DEGS1: variants seen among roughly 807,000 people sequenced by gnomAD.
DEGS1 encodes the protein delta 4-desaturase, sphingolipid 1.
DEGS1 carries 17 observed loss-of-function variants against 24.1 expected under a neutral mutation model. The observed-to-expected ratio is 0.70, with a 90% CI of 0.48 to 1.06. The LOEUF is 1.06. Ranked by LOEUF, DEGS1 falls within the 50% of genes least tolerant of loss-of-function variation. The pLI, the probability that DEGS1 is intolerant of heterozygous loss-of-function variation, is 0.00. For synonymous variants in DEGS1, 134 were observed against 140.0 expected (o/e 0.96, Z 0.30); for missense variants, 366 against 408.9 (o/e 0.90, Z 0.91).
rs777625295 is a variant in DEGS1 at position 224,192,347 on chromosome 1, G to T, written c.841G>T (p.Ala281Ser). 7.4e-6 allele frequency: 12 copies of T among 1,612,392 alleles called. No individual in the cohort carries two copies. In the East Asian group the frequency reaches 2.5e-4, roughly 33 times the overall value. The change falls in exon 3 of 3, where the codon GCT (alanine) becomes TCT (serine). Residue 281 changes from alanine to serine, a missense_variant. Coordinates refer to ENST00000323699, the MANE Select transcript of DEGS1 (RefSeq NM_003676.4). ...KSLPLVRKIA[A>S]EYYDNLPHYN... ...TCCCTTCTAGGTGAGGAAAATAGCA[G>T]CTGAATACTATGACAACCTCCCTCA... is the stretch of plus-strand genomic sequence containing the variant.
intron 1 of DEGS1, chr1:224,183,651 C>G: frequency 6.1e-6 from 2 of 327,422 alleles, no homozygotes; most frequent in Non-Finnish European, 1.1e-5. Flanking sequence ...GACCCTTCCG[C>G]GAAGAGGCGC....
In DEGS1 at chr1:224,185,931, T is replaced by G. The variant is rs553230878; in HGVS notation, c.82+2513T>G. ...TGAAAATCAGGACGGGTGTGGTGGC[T>G]TTTTTTTGCCTGTAATCCGAGCACT... On this transcript the variant is annotated intron_variant, in intron 1 of 2. Coordinates refer to ENST00000323699, the MANE Select transcript of DEGS1 (RefSeq NM_003676.4). 5.3e-5 allele frequency among the ~76,000 whole-genome samples: 8 copies of G among 151,842 alleles called. No individual in the cohort carries two copies. In the South Asian group the frequency reaches 1.7e-3, roughly 32 times the overall value.
rs532379308 is a variant in DEGS1, at chr1:224,183,283, G to T, written c.-54G>T. 5.0e-4 allele frequency: 721 copies of T among 1,446,532 alleles called. 3 individuals carry two copies. The Middle Eastern group carries it at 5.7e-3, about 11-fold the overall frequency. The allele number at this position is 1,446,532 out of a possible 1,614,324, so 89.6% of individuals were successfully genotyped here. ...CCGCCGCCGCCGCCGCCACCTCTGA[G>T]CAGCCGGCTGGGAGCGAGAGCCGAC... On this transcript the variant is annotated 5_prime_UTR_variant, in exon 1 of 3. Coordinates refer to ENST00000323699, the MANE Select transcript of DEGS1 (RefSeq NM_003676.4).
chr1:224,184,469 G>T (rs77596322), intron 1 of DEGS1, among the ~76,000 whole-genome samples: 2 of 48,038 alleles, frequency 4.2e-5, no homozygotes, highest in African/African-American at 1.0e-4. Context: ...TTTGTTTTTT[G>T]TTTGTTTGTT....
intron 1 of DEGS1, among the ~76,000 whole-genome samples, chr1:224,187,536 T>G (rs1278453128): frequency 6.6e-6 from 1 of 152,090 alleles, no homozygotes; most frequent in Non-Finnish European, 1.5e-5. Flanking sequence ...TTTTTTTTAT[T>G]TTTGGTAGAA....
chr1:224,185,358 GTCT>G (rs1307077826), intron 1 of DEGS1, among the ~76,000 whole-genome samples: 1 of 152,130 alleles, frequency 6.6e-6, no homozygotes, highest in Admixed American at 6.6e-5. Context: ...TAGAGAAAGG[GTCT>G]TGCTTTGTTG....
Position 224,189,687 on chromosome 1 carries a change from G to A in DEGS1, c.193G>A (p.Asp65Asn), listed in dbSNP as rs138717762. The change falls in exon 2 of 3, where the codon GAC becomes AAC. Residue 65 changes from aspartate (D) to asparagine (N), a missense_variant. Physicochemically the swap from Asp to Asn is conservative, Grantham distance 23 (BLOSUM62 1). Transcript: ENST00000323699. The part of the protein sequence containing the change: ...LGAFYIVKDL[D>N]WKWVIFGAYA... The stretch of plus-strand genomic sequence containing the variant: ...TGCATTTTACATAGTAAAAGACTTG[G>A]ACTGGAAATGGGTCATATTTGGGGC... 1.4e-3 allele frequency: 2,286 copies of A among 1,614,130 alleles called. 19 individuals are homozygous for A. Among genetic ancestry groups the A allele is most frequent in the Non-Finnish European group, 8.0e-4 (948 of 1,180,032 alleles).
At chr1:224,186,061 A>G (rs1658379929) in intron 1 of DEGS1, among the ~76,000 whole-genome samples, 1 of 152,128 alleles carries the variant, frequency 6.6e-6, no homozygotes, top group Non-Finnish European at 1.5e-5. Context: ...CCCGCTACTC[A>G]GAAGGCTGAG....
chr1:224,186,870 A>G (rs563215685), intron 1 of DEGS1, among the ~76,000 whole-genome samples: 1 of 152,334 alleles, frequency 6.6e-6, no homozygotes, highest in East Asian at 1.9e-4. Flanking sequence ...TTTAAATTAT[A>G]CACAAATGAT....
chr1:224,192,773 G>T lies in DEGS1; in HGVS notation c.*295G>T, dbSNP rs545319645. 6.9e-6 allele frequency: 2 copies of T among 290,742 alleles called. No homozygotes were observed. The highest frequency in any genetic ancestry group is 1.3e-5 in the Non-Finnish European group (2 of 156,226). 18.0% of individuals were successfully genotyped at this position (290,742 alleles called of 1,614,324 possible). On this transcript the variant is annotated 3_prime_UTR_variant, in exon 3 of 3. Transcript: ENST00000323699. ...TAAAAAGCTTCTAAAAAGCTATTTC[G>T]CCAGGCACGGTGGCTCATGCCTATA...
chr1:224,188,994 G>T (rs1020267974), intron 1 of DEGS1, among the ~76,000 whole-genome samples: 4 of 152,160 alleles, frequency 2.6e-5, no homozygotes, highest in African/African-American at 4.8e-5. Context: ...ATGGTGTAAG[G>T]TAGGGGTCTG....
intron 1 of DEGS1, among the ~76,000 whole-genome samples, chr1:224,186,272 C>T (rs1021958422): frequency 1.3e-5 from 2 of 152,176 alleles, no homozygotes; most frequent in African/African-American, 2.4e-5. Context: ...TGCCCCACCG[C>T]GTTCCAGCCT....
At chr1:224,189,123 T>G (rs1364182491) in intron 1 of DEGS1, among the ~76,000 whole-genome samples, 1 of 152,184 alleles carries the variant, frequency 6.6e-6, no homozygotes, top group East Asian at 1.9e-4. Context: ...ATTACAATTT[T>G]GGGAAAATTC....
At position 224,184,336 on chromosome 1, in the gene DEGS1, T is replaced by G. The variant is rs115942829; in HGVS notation, c.82+918T>G. Among the ~76,000 whole-genome samples the G allele has an allele frequency of 6.8e-3, 1,029 of 152,276 alleles. 14 individuals are homozygous for G. The highest frequency in any genetic ancestry group is 0.023 in the African/African-American group (960 of 41,548). ...GAATGCTTTACAAACATTACCCAAT[T>G]TCATCCTCTTGGTAATTCTACTTGG... On this transcript the variant is annotated intron_variant, in intron 1 of 2. Transcript: ENST00000323699.
chr1:224,187,782 A>G (rs59766308), intron 1 of DEGS1, among the ~76,000 whole-genome samples: 4,706 of 152,176 alleles, frequency 0.031, 233 homozygotes, highest in African/African-American at 0.1. Context: ...ACATTTCATC[A>G]TCACCAAAAG....
chr1:224,191,830 C>CA (rs1263386515), intron 2 of DEGS1, among the ~76,000 whole-genome samples: 2 of 151,984 alleles, frequency 1.3e-5, no homozygotes, highest in Non-Finnish European at 2.9e-5. Flanking sequence ...CTCCTGACCT[C>CA]AGGTGATCCA....
intron 1 of DEGS1, among the ~76,000 whole-genome samples, chr1:224,187,483 T>C (rs1475563761): frequency 6.6e-6 from 1 of 152,054 alleles, no homozygotes; most frequent in East Asian, 1.9e-4. Flanking sequence ...TTCAGCATCC[T>C]AAGTAGCTGG....
intron 1 of DEGS1, among the ~76,000 whole-genome samples, chr1:224,187,835 A>G (rs921087061): frequency 1.3e-5 from 2 of 152,126 alleles, no homozygotes; most frequent in South Asian, 4.1e-4. Flanking sequence ...CCCTGCTTCT[A>G]CCTAGGTAAC....
At chr1:224,185,986 A>G (rs1017234930) in intron 1 of DEGS1, among the ~76,000 whole-genome samples, 2 of 152,030 alleles carry the variant, frequency 1.3e-5, no homozygotes. Context: ...AGATCGCTTG[A>G]GGCCAGTTCA....
Sources: allele counts gnomAD v4.1 joint callset (sites outside exome capture counted in the v4.1 genomes callset), GRCh38; gene constraint gnomAD v4.1.1; transcripts MANE v1.5; gene names NCBI Gene and HGNC (gene_info 2026-07-23, HGNC 2026-07-21).